Variants in ELMO2 observed in about 807,000 individuals in gnomAD.
ELMO2 encodes the protein engulfment and cell motility 2, also known as engulfment and cell motility protein 2.
In ELMO2, 37 loss-of-function variants were observed where a neutral mutation model predicts 96.2. The ratio of observed to expected loss-of-function variants is 0.38; its 90% CI spans 0.30 to 0.51. The LOEUF (loss-of-function observed/expected upper bound fraction) is 0.51, where lower values mean the gene tolerates loss of function less well. Ranked by LOEUF, ELMO2 falls within the 20% of genes least tolerant of loss-of-function variation. The pLI is 0.88. For synonymous variants in ELMO2, 315 were observed against 329.4 expected (o/e 0.96, Z 0.47); for missense variants, 561 against 912.6 (o/e 0.61, Z 4.96).
intron 11 of ELMO2, 57 bp downstream of exon 11, chr20:46,380,196 A>G (rs1600844348): frequency 7.2e-7 from 1 of 1,390,082 alleles, no homozygotes; most frequent in Admixed American, 1.7e-5. Context: ...TATATTAACA[A>G]TAACAGTAAT....
intron 8 of ELMO2, among the ~76,000 whole-genome samples, chr20:46,386,533 A>G (rs963766657): frequency 6.6e-6 from 1 of 152,202 alleles, no homozygotes; most frequent in Non-Finnish European, 1.5e-5. Flanking sequence ...TTTTATCAAA[A>G]TAAGGGTTCC....
chr20:46,383,389 G>A, intron 10 of ELMO2, 27 bp downstream of exon 10: 1 of 1,605,598 alleles, frequency 6.2e-7, no homozygotes, highest in Non-Finnish European at 8.5e-7. Context: ...GAGCCCAGAT[G>A]AAAAATGTGA....
chr20:46,388,949 T>G, intron 7 of ELMO2, 90 bp downstream of exon 7: 1 of 1,395,772 alleles, frequency 7.2e-7, no homozygotes, highest in Non-Finnish European at 9.8e-7. Context: ...AATAAACTCC[T>G]TATTTGACTC....
In ELMO2 at chr20:46,371,337, G is replaced by A. The variant is rs2059700349; in HGVS notation, c.1801+15C>T. On this transcript the variant is annotated intron_variant, in intron 19 of 21. Coordinates refer to ENST00000290246, the MANE Select transcript of ELMO2 (RefSeq NM_133171.5). This position sits in a 1 kb window ranked among gnomAD's most constrained non-coding sequence, Gnocchi z 5.9. ...GTCCAGCAACCATGACACATCAACA[G>A]AGAAATGAACCTACTTTTCTCCTGC... is the stretch of plus-strand genomic sequence containing the variant. 6.2e-7 allele frequency: 1 copy of A among 1,613,110 alleles called. No individual in the cohort carries two copies. Among genetic ancestry groups the A allele is most frequent in the South Asian group, 1.1e-5 (1 of 91,042 alleles).
intron 2 of ELMO2, among the ~76,000 whole-genome samples, chr20:46,397,729 G>T (rs1261191286): frequency 3.3e-5 from 5 of 152,100 alleles, no homozygotes; most frequent in African/African-American, 1.2e-4. Flanking sequence ...AAGGGAACTG[G>T]GTGATAATGA....
At chr20:46,383,937 T>C (rs2059998984) in intron 9 of ELMO2, among the ~76,000 whole-genome samples, 1 of 152,198 alleles carries the variant, frequency 6.6e-6, no homozygotes, top group African/African-American at 2.4e-5. Flanking sequence ...TGGTATTTTT[T>C]CCAAACTGGT....
intron 6 of ELMO2, among the ~76,000 whole-genome samples, chr20:46,391,236 T>C (rs2060145097): frequency 6.6e-6 from 1 of 152,100 alleles, no homozygotes. Context: ...ATGGGAGGAA[T>C]ATGGGCCTAG....
intron 4 of ELMO2, 91 bp downstream of exon 4, chr20:46,393,958 T>A (rs2060201805): frequency 6.4e-7 from 1 of 1,562,014 alleles, no homozygotes; most frequent in Admixed American, 1.7e-5. Flanking sequence ...CCTGCCTAAC[T>A]GGAGATCCTT....
intron 6 of ELMO2, among the ~76,000 whole-genome samples, chr20:46,391,743 T>TA (rs1205382767): frequency 1.3e-5 from 2 of 152,104 alleles, no homozygotes; most frequent in Non-Finnish European, 2.9e-5. Context: ...TAAGGGCACA[T>TA]AAAAAATTGC....
chr20:46,390,074 A>C (rs1224709455), intron 6 of ELMO2, among the ~76,000 whole-genome samples: 13 of 151,092 alleles, frequency 8.6e-5, no homozygotes, highest in Non-Finnish European at 1.8e-4. Context: ...AATTGCTTGA[A>C]CCCAGGAGGT....
intron 19 of ELMO2, 152 bp from the exon 20 acceptor site, chr20:46,370,677 G>A: frequency 1.4e-6 from 1 of 727,904 alleles, no homozygotes; most frequent in East Asian, 2.6e-5. Flanking sequence ...GAGGGTGGTG[G>A]GGAGGATGGC....
chr20:46,381,386 T>A (rs1040293575), intron 10 of ELMO2, among the ~76,000 whole-genome samples: 2 of 152,206 alleles, frequency 1.3e-5, no homozygotes, highest in Non-Finnish European at 2.9e-5. Flanking sequence ...GTCACACCTC[T>A]CCTATGGAGT....
intron 6 of ELMO2, among the ~76,000 whole-genome samples, chr20:46,391,984 C>T (rs1195633942): frequency 2.6e-5 from 4 of 152,346 alleles, no homozygotes; most frequent in Admixed American, 2.6e-4. Flanking sequence ...GCAGTAGACT[C>T]AAAGTCCTCA....
intron 8 of ELMO2, among the ~76,000 whole-genome samples, chr20:46,386,479 T>C (rs2060046804): frequency 1.3e-5 from 2 of 152,262 alleles, no homozygotes; most frequent in South Asian, 2.1e-4. Context: ...CAGATTATAG[T>C]ATCCACTTAA....
At chr20:46,381,624 G>C (rs984535290) in intron 10 of ELMO2, among the ~76,000 whole-genome samples, 5 of 152,176 alleles carry the variant, frequency 3.3e-5, no homozygotes, top group African/African-American at 1.2e-4. Flanking sequence ...AACTCATAAG[G>C]TGGGTAATTG....
intron 11 of ELMO2, among the ~76,000 whole-genome samples, chr20:46,378,821 G>A (rs2059906690): frequency 6.6e-6 from 1 of 152,218 alleles, no homozygotes; most frequent in African/African-American, 2.4e-5. Context: ...ATATCCAGAT[G>A]AGCAAACTGA....
chr20:46,367,912 A>C (rs935446147), intron 21 of ELMO2, among the ~76,000 whole-genome samples: 3 of 152,222 alleles, frequency 2.0e-5, no homozygotes, highest in Non-Finnish European at 2.9e-5. Flanking sequence ...AGGTGAAAAG[A>C]AGCAAGACAC....
Position 46,374,375 on chromosome 20 carries a change from C to G in ELMO2, c.1236G>C (p.Glu412Asp). 1 of 1,614,128 alleles carries G rather than the reference C, an allele frequency of 6.2e-7. No individual in the cohort carries two copies. The highest frequency in any genetic ancestry group is 8.5e-7 in the Non-Finnish European group (1 of 1,180,030). ...HECPFGRSAI[E>D]LTKMLCEILQ... ...GGATTTCACAGAGCATTTTGGTGAGCTCAATGGCACTGCGGCCAAAGGGGC... is the reference window on the plus strand; with the variant it reads ...GGATTTCACAGAGCATTTTGGTGAGGTCAATGGCACTGCGGCCAAAGGGGC... Residue 412 changes from glutamate (E) to aspartate (D), a missense_variant, in exon 15 of 22, where the codon GAG (glutamate) becomes GAC (aspartate). By Grantham distance (45) the Glu-to-Asp change is conservative. Coordinates refer to ENST00000290246, the MANE Select transcript of ELMO2 (RefSeq NM_133171.5).
At chr20:46,380,177 C>T (rs2059930741) in intron 11 of ELMO2, 76 bp downstream of exon 11, 1 of 1,273,192 alleles carries the variant, frequency 7.9e-7, no homozygotes, top group African/African-American at 1.5e-5. Flanking sequence ...TTAATAATTT[C>T]AATAATAATA....
Sources: gnomAD v4.1 joint callset for allele counts (sites outside exome capture counted in the v4.1 genomes callset) on GRCh38, gnomAD v4.1.1 for gene constraint, Gnocchi (gnomAD v3.1) non-coding constraint, MANE v1.5 for transcripts, NCBI Gene and HGNC (gene_info 2026-07-23, HGNC 2026-07-21) for gene names.